The following LCN1 variants were observed in gnomAD, a reference collection of about 807,000 sequenced individuals.
LCN1 encodes the protein lipocalin-1.
Under a neutral mutation model 22.3 loss-of-function variants are expected in LCN1, and 25 were observed. That is an observed-to-expected ratio of 1.12 (90% confidence interval 0.82 to 1.56). LCN1 has a LOEUF of 1.56. Among genes scored for constraint, LCN1 ranks in the 40% most tolerant of loss-of-function variants. The pLI is 0.00. For synonymous variants in LCN1, 85 were observed against 97.6 expected (o/e 0.87, Z 0.76); for missense variants, 219 against 235.6 (o/e 0.93, Z 0.46).
Position 135,523,941 on chromosome 9 carries a change from C to A in LCN1, c.354C>A (p.Tyr118Ter). The A allele has an allele frequency of 6.2e-7, 1 of 1,614,120 alleles. No individual in the cohort carries two copies. Among genetic ancestry groups the A allele is most frequent in the Non-Finnish European group, 8.5e-7 (1 of 1,179,984 alleles). Residue 118 changes from tyrosine to a stop codon, truncating the protein, a stop_gained, in exon 4 of 7, where the codon TAC (tyrosine) becomes TAA (stop). Transcript: ENST00000371781. LOFTEE classifies it high-confidence loss of function. ...RSHVKDHYIF[Y>*]CEGELHGKPV... Reference sequence around the variant, plus strand: ...ACGTGAAGGACCACTACATCTTTTACTGTGAGGGCGAGCTGCACGGGAAGC... The same window carrying A: ...ACGTGAAGGACCACTACATCTTTTAATGTGAGGGCGAGCTGCACGGGAAGC...
intron 3 of LCN1, 73 bp downstream of exon 3, chr9:135,523,375 T>C (rs1440038714): frequency 2.8e-6 from 4 of 1,443,540 alleles, no homozygotes; most frequent in Admixed American, 2.2e-5. Context: ...CAGTGCCTTT[T>C]TGGGGTGGCC....
chr9:135,521,674 G>T, intron 1 of LCN1, 87 bp downstream of exon 1: 1 of 1,201,414 alleles, frequency 8.3e-7, no homozygotes, highest in Non-Finnish European at 1.2e-6. Context: ...TCCATCCAAG[G>T]AGACCCTCGT....
At chr9:135,521,974 G>A in intron 1 of LCN1, 73 bp from the exon 2 acceptor site, 1 of 1,558,156 alleles carries the variant, frequency 6.4e-7, no homozygotes, top group Non-Finnish European at 8.7e-7. Flanking sequence ...GTAGAGTCTA[G>A]GGGCTGCAGG....
Position 135,523,265 on chromosome 9 carries a change from C to T in LCN1, c.255C>T (p.Val85=). ...ISGRCQEVKA[V]LEKTDEPGKY... ...GCCGGTGCCAGGAGGTGAAGGCCGTCCTGGAGAAAACTGACGAGCCGGGAA... is the reference window on the plus strand; with the variant it reads ...GCCGGTGCCAGGAGGTGAAGGCCGTTCTGGAGAAAACTGACGAGCCGGGAA... The change falls in exon 3 of 7, where the codon GTC becomes GTT. Residue 85 remains valine, a synonymous_variant. Transcript: ENST00000371781. 6.2e-7 allele frequency: 1 copy of T among 1,612,810 alleles called. No homozygotes were observed. Among genetic ancestry groups the T allele is most frequent in the Non-Finnish European group, 8.5e-7 (1 of 1,179,820 alleles).
intron 4 of LCN1, 145 bp downstream of exon 4, chr9:135,524,135 A>G: frequency 1.5e-6 from 1 of 651,622 alleles, no homozygotes. Context: ...TTCCTGATAA[A>G]GGCCTCAATT....
intron 4 of LCN1, among the ~76,000 whole-genome samples, chr9:135,524,364 A>G (rs1320618547): frequency 4.6e-5 from 7 of 152,186 alleles, no homozygotes; most frequent in African/African-American, 1.4e-4. Context: ...AGAAGTCTGC[A>G]TGGAAAGAAC....
intron 1 of LCN1, among the ~76,000 whole-genome samples, 192 bp from the exon 2 acceptor site, chr9:135,521,855 T>C (rs112999544): frequency 0.018 from 2,741 of 151,954 alleles, 87 homozygotes; most frequent in African/African-American, 0.063. Context: ...TGGTCCTGGC[T>C]GGCTTGTGGG....
intron 2 of LCN1, 98 bp from the exon 3 acceptor site, chr9:135,523,134 A>G: frequency 9.0e-7 from 1 of 1,105,622 alleles, no homozygotes; most frequent in Admixed American, 2.5e-5. Context: ...CCTGTGGCAG[A>G]CTCGGGGCCA....
chr9:135,523,371 C>T, intron 3 of LCN1, 69 bp downstream of exon 3: 1 of 1,461,168 alleles, frequency 6.8e-7, no homozygotes, highest in Non-Finnish European at 9.3e-7. Flanking sequence ...CAGCCAGTGC[C>T]TTTTTGGGGT....
Position 135,525,471 on chromosome 9 carries a change from C to T in LCN1, c.*1+313C>T, listed in dbSNP as rs573304692. Among the ~76,000 whole-genome samples, 5 of 152,276 alleles carry T rather than the reference C, an allele frequency of 3.3e-5. No homozygotes were observed. The South Asian group carries it at 6.2e-4, about 19-fold the overall frequency. ...GAGCAGGCAGGAGATTCGGGTTCCT[C>T]CTCAGCACCCCTCACCCTCGGCCAT... On this transcript the variant is annotated intron_variant, in intron 6 of 6. Coordinates refer to ENST00000371781, the MANE Select transcript of LCN1 (RefSeq NM_002297.4).
At chr9:135,522,326 G>A in intron 2 of LCN1, 149 bp downstream of exon 2, 1 of 1,288,786 alleles carries the variant, frequency 7.8e-7, no homozygotes, top group Non-Finnish European at 1.1e-6. Context: ...GGCAAACTGT[G>A]CCACTGAGGT....
intron 4 of LCN1, among the ~76,000 whole-genome samples, chr9:135,524,439 G>A (rs1191591692): frequency 6.6e-6 from 1 of 152,184 alleles, no homozygotes; most frequent in South Asian, 2.1e-4. Flanking sequence ...CATCAGTGCT[G>A]TCCCTGTCAG....
rs1209080152 is a variant in LCN1 at position 135,524,954 on chromosome 9, G to A, written c.505+23G>A. The A allele has an allele frequency of 4.4e-6, 7 of 1,596,432 alleles. No homozygotes were observed. The Admixed American group carries it at 5.2e-5, about 12-fold the overall frequency. On this transcript the variant is annotated intron_variant, in intron 5 of 6. Transcript: ENST00000371781. ...GCGGTAGGAGGCATGGCCCTGCAGAGCCCCCCATGTCCCCGCGTGGGGACA... is the reference window on the plus strand; with the variant it reads ...GCGGTAGGAGGCATGGCCCTGCAGAACCCCCCATGTCCCCGCGTGGGGACA...
chr9:135,524,923 G>A lies in LCN1; in HGVS notation c.497G>A (p.Arg166Lys), dbSNP rs1316974757. 3 of 1,605,884 alleles carry A rather than the reference G, an allele frequency of 1.9e-6. No homozygotes were observed. The highest frequency in any genetic ancestry group is 3.4e-5 in the Admixed American group (2 of 58,950). The part of the protein sequence containing the change: ...GLSTESILIP[R>K]QSETCSPGSD ...AGCACGGAGAGCATCCTCATCCCCA[G>A]GCAGAGCGGTAGGAGGCATGGCCCT... Residue 166 changes from arginine (R) to lysine (K), a missense_variant, in exon 5 of 7, where the codon AGG becomes AAG. By Grantham distance (26) the Arg-to-Lys change is conservative. Transcript: ENST00000371781.
Position 135,524,667 on chromosome 9 carries a change from G to A in LCN1, c.404-163G>A, listed in dbSNP as rs920063445. Among the ~76,000 whole-genome samples the A allele has an allele frequency of 4.6e-5, 7 of 152,280 alleles. 1 individual carries two copies. Among genetic ancestry groups the A allele is most frequent in the Non-Finnish European group, 4.4e-5 (3 of 68,018 alleles). On this transcript the variant is annotated intron_variant, in intron 4 of 6. Coordinates refer to ENST00000371781, the MANE Select transcript of LCN1 (RefSeq NM_002297.4). ...CACAGGAGCCTTCTCAGCCGTGCAC[G>A]GCACCCTGGTCCCACTTTGCCAGCC... is the stretch of plus-strand genomic sequence containing the variant.
rs374493645 is a variant in LCN1 at position 135,524,000 on chromosome 9, G to T, written c.403+10G>T. On this transcript the variant is annotated intron_variant, in intron 4 of 6. Transcript: ENST00000371781. ...GGGGTGAAGCTCGTGGGTGGGTCCC[G>T]CACCCTCACCCTGCAACCCATGCCT... is the stretch of plus-strand genomic sequence containing the variant. 1.3e-6 allele frequency: 2 copies of T among 1,597,350 alleles called. No homozygotes were observed. The highest frequency in any genetic ancestry group is 1.7e-6 in the Non-Finnish European group (2 of 1,165,302).
At position 135,521,535 on chromosome 9, in the gene LCN1, T is replaced by C. The variant is rs1831495456; in HGVS notation, c.38T>C (p.Ile13Thr). The C allele has an allele frequency of 1.9e-6, 3 of 1,613,512 alleles. No homozygotes were observed. The highest frequency in any genetic ancestry group is 1.1e-5 in the South Asian group (1 of 91,062). ...CTCCTGGCCGTCAGCCTTGGCCTCA[T>C]TGCTGCCCTGCAGGCCCACCACCTC... ...PLLLAVSLGL[I>T]AALQAHHLLA... is the part of the protein sequence containing the mutation. The change falls in exon 1 of 7, where the codon ATT becomes ACT. Residue 13 changes from isoleucine (I) to threonine (T), a missense_variant. By Grantham distance (89) the Ile-to-Thr change is moderately conservative (BLOSUM62 -1). Transcript: ENST00000371781.
Position 135,524,828 on chromosome 9 carries a change from A to G in LCN1, c.404-2A>G. 1 of 1,598,876 alleles carries G rather than the reference A, an allele frequency of 6.3e-7. No individual in the cohort carries two copies. Among genetic ancestry groups the G allele is most frequent in the Non-Finnish European group, 8.5e-7 (1 of 1,173,012 alleles). On this transcript the variant is annotated splice_acceptor_variant, in intron 4 of 6. Coordinates refer to ENST00000371781, the MANE Select transcript of LCN1 (RefSeq NM_002297.4). LOFTEE classifies it high-confidence loss of function. The stretch of plus-strand genomic sequence containing the variant: ...ACCCACATCTCGTCCTGGCACCCAC[A>G]GGCAGAGACCCCAAGAACAACCTGG...
At chr9:135,526,055 C>T (rs1163311795) in intron 6 of LCN1, among the ~76,000 whole-genome samples, 2 of 121,422 alleles carry the variant, frequency 1.6e-5, no homozygotes, top group Non-Finnish European at 3.5e-5. Flanking sequence ...CCATAGCCCC[C>T]GAGAGCCCAC....
Sources: gnomAD v4.1 joint callset for allele counts (sites outside exome capture counted in the v4.1 genomes callset) on GRCh38, gnomAD v4.1.1 for gene constraint, MANE v1.5 for transcripts, NCBI Gene and HGNC (gene_info 2026-07-23, HGNC 2026-07-21) for gene names.